PAH: variants seen among roughly 807,000 people sequenced by gnomAD.
PAH encodes phenylalanine hydroxylase.
Under a neutral mutation model 62.0 loss-of-function variants are expected in PAH, and 64 were observed. The observed-to-expected ratio is 1.03, with a 90% CI of 0.84 to 1.27. The LOEUF is 1.27. Ranked by LOEUF, PAH falls within the 50% of genes most tolerant of loss-of-function variation. PAH has a pLI of 0.00. For missense variants in PAH, 579 were observed against 542.8 expected (o/e 1.07, Z -0.66); for synonymous variants, 195 against 196.2 (o/e 0.99, Z 0.05).
upstream of PAH, chr12:102,953,263 C>T (rs1216234943): frequency 6.6e-6 from 1 of 152,016 alleles, no homozygotes; most frequent in Non-Finnish European, 1.5e-5. Context: ...CTTTGTATTC[C>T]CTTTGCCCCT....
intron 4 of PAH, among the ~76,000 whole-genome samples, chr12:102,876,659 C>A (rs1052795475): frequency 4.6e-5 from 7 of 152,168 alleles, no homozygotes; most frequent in Admixed American, 1.3e-4. Flanking sequence ...GGCAACAGGA[C>A]GGTGGCCCTT....
chr12:102,851,747 G>T lies in PAH; in HGVS notation c.852C>A (p.Cys284Ter). 1 of 1,613,948 alleles carries T rather than the reference G, an allele frequency of 6.2e-7. No individual in the cohort carries two copies. Among genetic ancestry groups the T allele is most frequent in the Non-Finnish European group, 8.5e-7 (1 of 1,179,830 alleles). ...AGGGCACATGTCCCAACAGCTCATG[G>T]CAGATGTCACTGAAAGACAGAAAGC... Reference protein sequence around the residue: ...KPMYTPEPDICHELLGHVPLF... With the variant: ...KPMYTPEPDI The change falls in exon 8 of 13, where the codon TGC (cysteine) becomes TGA (stop). Residue 284 changes from cysteine to a stop codon, truncating the protein, a stop_gained. Transcript: ENST00000553106. LOFTEE classifies it high-confidence loss of function.
intron 1 of PAH, among the ~76,000 whole-genome samples, chr12:102,927,853 T>C (rs930470615): frequency 6.6e-6 from 1 of 152,136 alleles, no homozygotes; most frequent in Non-Finnish European, 1.5e-5. Flanking sequence ...CAGTGTTTTG[T>C]TTAGATTGTG....
At chr12:102,866,718 C>T in intron 4 of PAH, 55 bp from the exon 5 acceptor site, 1 of 1,390,122 alleles carries the variant, frequency 7.2e-7, no homozygotes, top group Non-Finnish European at 1.0e-6. Flanking sequence ...AGGTCTGGTA[C>T]CTTTATGAAT....
rs979222756 is a variant in PAH at position 102,949,412 on chromosome 12, A to T, written c.-96+1177T>A. On this transcript the variant is annotated intron_variant, in intron 1 of 3. Coordinates refer to the PAH transcript ENST00000546844. Reference sequence around the variant, plus strand: ...AGAGAGGAATGGTTGCCACTAGAGGATCATGTGGTCCACGCCTGTATTCTC... The same window carrying T: ...AGAGAGGAATGGTTGCCACTAGAGGTTCATGTGGTCCACGCCTGTATTCTC... 7.9e-5 allele frequency among the ~76,000 whole-genome samples: 12 copies of T among 152,266 alleles called. No individual in the cohort carries two copies. The East Asian group carries it at 1.7e-3, about 22-fold the overall frequency.
Position 102,868,848 on chromosome 12 carries a change from C to T in PAH, c.442-2185G>A, listed in dbSNP as rs546736369. 2.0e-5 allele frequency among the ~76,000 whole-genome samples: 3 copies of T among 152,314 alleles called. No homozygotes were observed. The East Asian group carries it at 5.8e-4, about 29-fold the overall frequency. ...GGTTTGATTGTTACAGTCATTCTCA[C>T]TTGCCATTCTTATTTAATAGTTAGT... On this transcript the variant is annotated intron_variant, in intron 4 of 12. Transcript: ENST00000553106.
At chr12:102,948,253 T>C (rs1879584162) in intron 1 of PAH, among the ~76,000 whole-genome samples, 1 of 151,874 alleles carries the variant, frequency 6.6e-6, no homozygotes, top group Admixed American at 6.6e-5. Context: ...GGAGACCAGA[T>C]TGGAAGAAAT....
intron 1 of PAH, among the ~76,000 whole-genome samples, chr12:102,945,541 C>T (rs1245893175): frequency 1.3e-5 from 2 of 152,178 alleles, no homozygotes; most frequent in African/African-American, 2.4e-5. Flanking sequence ...CTTCCCTCCC[C>T]TTTCCACAAA....
intron 2 of PAH, among the ~76,000 whole-genome samples, chr12:102,908,825 G>A (rs1878086890): frequency 6.8e-6 from 1 of 146,570 alleles, no homozygotes. Context: ...GTTACATTTA[G>A]TCCTCATGTC....
upstream of PAH, among the ~76,000 whole-genome samples, chr12:102,954,579 G>A (rs576348441): frequency 4.6e-5 from 7 of 152,282 alleles, no homozygotes; most frequent in East Asian, 1.2e-3. Flanking sequence ...ACAGCTCTCA[G>A]GTAAAGGGGC....
chr12:102,903,928 T>TC (rs1877868981), intron 2 of PAH, among the ~76,000 whole-genome samples: 1 of 152,080 alleles, frequency 6.6e-6, no homozygotes, highest in African/African-American at 2.4e-5. Flanking sequence ...ACTAAGCCAC[T>TC]TACAGTAAAG....
chr12:102,863,852 G>A (rs1796024473), intron 5 of PAH, among the ~76,000 whole-genome samples: 1 of 151,920 alleles, frequency 6.6e-6, no homozygotes, highest in Non-Finnish European at 1.5e-5. Context: ...CCTATGATCC[G>A]TTTTATCTAT....
At chr12:102,888,520 T>C (rs2136693395) in intron 3 of PAH, among the ~76,000 whole-genome samples, 1 of 149,856 alleles carries the variant, frequency 6.7e-6, no homozygotes, top group East Asian at 2.0e-4. Flanking sequence ...TTCCTGAGCT[T>C]GAAGCTCTGT....
chr12:102,947,615 C>G (rs950623934), intron 1 of PAH, among the ~76,000 whole-genome samples: 1 of 152,074 alleles, frequency 6.6e-6, no homozygotes, highest in Non-Finnish European at 1.5e-5. Context: ...CCATGGTAGT[C>G]AAAGGAGGAG....
rs199922083 is a variant in PAH at position 102,857,553 on chromosome 12, A to G, written c.510-2221T>C. On this transcript the variant is annotated intron_variant, in intron 5 of 12. Coordinates refer to ENST00000553106, the MANE Select transcript of PAH (RefSeq NM_000277.3). The stretch of plus-strand genomic sequence containing the variant: ...CGCCAAAGTTGAAATGAAGGAAAAA[A>G]ATGTTAAGGGCAGCCAGAGAGAAAG... Among the ~76,000 whole-genome samples, 41 of 152,320 alleles carry G rather than the reference A, an allele frequency of 2.7e-4. 1 individual carries two copies. In the East Asian group the frequency reaches 7.7e-3, roughly 29 times the overall value.
chr12:102,843,540 G>C, intron 11 of PAH, 106 bp downstream of exon 11: 1 of 1,090,126 alleles, frequency 9.2e-7, no homozygotes, highest in Non-Finnish European at 1.4e-6. Flanking sequence ...ATGGTACAAA[G>C]TTGCTGTAGA....
intron 6 of PAH, chr12:102,854,814 CA>C (rs1268131611): frequency 2.1e-5 from 8 of 388,552 alleles, no homozygotes; most frequent in Non-Finnish European, 3.9e-5. Context: ...ACAGGGCAAA[CA>C]AAACAAAACA....
intron 6 of PAH, 154 bp downstream of exon 6, chr12:102,854,982 A>G (rs1381364377): frequency 2.8e-6 from 2 of 720,270 alleles, no homozygotes; most frequent in Non-Finnish European, 5.1e-6. Context: ...GAGCACAGTG[A>G]AATTTAGTTC....
At chr12:102,936,043 C>T (rs901131197) in intron 1 of PAH, among the ~76,000 whole-genome samples, 4 of 151,698 alleles carry the variant, frequency 2.6e-5, no homozygotes, top group Non-Finnish European at 4.4e-5. Context: ...TCTTTTAGTA[C>T]TACTTTCACT....
Sources: gnomAD v4.1 joint callset for allele counts (sites outside exome capture counted in the v4.1 genomes callset) on GRCh38, gnomAD v4.1.1 for gene constraint, MANE v1.5 for transcripts, NCBI Gene and HGNC (gene_info 2026-07-23, HGNC 2026-07-21) for gene names.